Variants in MKRN2 observed in about 807,000 individuals in gnomAD.
The protein encoded by MKRN2 is makorin ring finger protein 2.
A neutral mutation model predicts 45.4 loss-of-function variants in MKRN2; 32 were observed. The ratio of observed to expected loss-of-function variants is 0.70; its 90% CI spans 0.53 to 0.95. MKRN2 has a LOEUF of 0.95. Ranked by LOEUF, MKRN2 falls within the 40% of genes least tolerant of loss-of-function variation. MKRN2 has a pLI of 0.00. For synonymous variants in MKRN2, 206 were observed against 192.4 expected, an observed-to-expected ratio of 1.07 and a Z score of -0.59; for missense variants, 526 against 536.7, an observed-to-expected ratio of 0.98 and a Z score of 0.20.
chr3:12,572,334 G>T lies in MKRN2; in HGVS notation c.603G>T (p.Leu201Phe). The T allele has an allele frequency of 2.5e-6, 4 of 1,602,702 alleles. No homozygotes were observed. The highest frequency in any genetic ancestry group is 3.4e-6 in the Non-Finnish European group (4 of 1,171,862). Residue 201 changes from leucine to phenylalanine, a missense_variant, in exon 4 of 8, where the codon TTG becomes TTT. Physicochemically the swap from Leu to Phe is conservative, Grantham distance 22. Transcript: ENST00000170447. ...GTGAAATCTGTAGGCTGCAAGTCTT[G>T]CACCCATTCGACCCAGAGCAGAGGA... ...EVCEICRLQV[L>F]HPFDPEQRKA...
In MKRN2 at chr3:12,576,933, G is replaced by GTTTTTGTTTTTTTTTT. The variant is rs56380121; in HGVS notation, c.968+197_968+198insGTTTTTTTTTTTTTTT. ...TGATGTGGACCTGTTTAGTTTTGGT[G>GTTTTTGTTTTTTTTTT]TTTTTTTTTTTTTTTTTTTTTTTTC... On this transcript the variant is annotated intron_variant, in intron 6 of 7. Transcript: ENST00000170447. 6.1e-4 allele frequency: 34 copies of GTTTTTGTTTTTTTTTT among 55,988 alleles called. 2 individuals carry two copies. Among genetic ancestry groups the GTTTTTGTTTTTTTTTT allele is most frequent in the Non-Finnish European group, 9.2e-4 (30 of 32,588 alleles). 3.5% of individuals were successfully genotyped at this position (55,988 alleles called of 1,614,324 possible).
intron 1 of MKRN2, 101 bp downstream of exon 1, chr3:12,557,277 A>G: frequency 6.9e-7 from 1 of 1,446,872 alleles, no homozygotes; most frequent in Non-Finnish European, 9.2e-7. Flanking sequence ...CTAGAGCGGG[A>G]CTCGGAAAGT....
chr3:12,574,485 T>C (rs713178), intron 4 of MKRN2, among the ~76,000 whole-genome samples: 33,402 of 152,166 alleles, frequency 0.22, 3,922 homozygotes, highest in Admixed American at 0.31. Context: ...CCGCAGTCCT[T>C]ACGGACTCTG....
intron 1 of MKRN2, among the ~76,000 whole-genome samples, chr3:12,565,105 G>A (rs893398618): frequency 6.6e-6 from 1 of 152,154 alleles, no homozygotes; most frequent in Admixed American, 6.6e-5. Flanking sequence ...GTATTTGTGT[G>A]GACATAGATT....
chr3:12,576,960 G>GTTTTTTTT (rs2058144412), intron 6 of MKRN2: 1 of 135,234 alleles, frequency 7.4e-6, no homozygotes, highest in African/African-American at 2.2e-4. Flanking sequence ...TTTTTTTTCG[G>GTTTTTTTT]TGAGATAGGG....
chr3:12,578,581 T>G (rs1356893019), intron 6 of MKRN2, among the ~76,000 whole-genome samples: 2 of 152,098 alleles, frequency 1.3e-5, no homozygotes, highest in Non-Finnish European at 2.9e-5. Flanking sequence ...CCTCCCAAAA[T>G]GCTGGGATTA....
intron 1 of MKRN2, among the ~76,000 whole-genome samples, chr3:12,567,093 A>G (rs2058072723): frequency 6.6e-6 from 1 of 151,946 alleles, no homozygotes; most frequent in African/African-American, 2.4e-5. Context: ...TTTTTGGCAT[A>G]TCTAGTAATT....
At chr3:12,566,867 C>T (rs1362831551) in intron 1 of MKRN2, among the ~76,000 whole-genome samples, 3 of 152,136 alleles carry the variant, frequency 2.0e-5, no homozygotes, top group African/African-American at 2.4e-5. Context: ...TCTCCCAAAG[C>T]GCTGGGATTA....
intron 5 of MKRN2, among the ~76,000 whole-genome samples, chr3:12,576,268 A>AT (rs2058136157): frequency 6.8e-6 from 1 of 147,312 alleles, no homozygotes; most frequent in Non-Finnish European, 1.5e-5. Flanking sequence ...CATGTGCAGA[A>AT]TGTGTAGCTT....
intron 5 of MKRN2, among the ~76,000 whole-genome samples, chr3:12,575,528 T>C (rs781716400): frequency 7.2e-5 from 11 of 151,896 alleles, no homozygotes; most frequent in Non-Finnish European, 1.6e-4. Flanking sequence ...TGTGGAGAGG[T>C]TACTGCACGC....
At chr3:12,573,344 G>T (rs1575520827) in intron 4 of MKRN2, among the ~76,000 whole-genome samples, 2 of 150,782 alleles carry the variant, frequency 1.3e-5, no homozygotes, top group Admixed American at 1.3e-4. Context: ...GGGCAACATG[G>T]TAAGATCCCC....
chr3:12,566,096 C>T (rs1018772219), intron 1 of MKRN2, among the ~76,000 whole-genome samples: 2 of 152,116 alleles, frequency 1.3e-5, no homozygotes, highest in Non-Finnish European at 2.9e-5. Context: ...TCAAGCAGTC[C>T]TCACACCTTG....
At chr3:12,578,237 G>A (rs566311878) in intron 6 of MKRN2, among the ~76,000 whole-genome samples, 1 of 148,410 alleles carries the variant, frequency 6.7e-6, no homozygotes, top group East Asian at 2.1e-4. Flanking sequence ...AGGCCAGAAA[G>A]ATTGGATTTC....
At chr3:12,563,348 G>C (rs568955892) in intron 1 of MKRN2, among the ~76,000 whole-genome samples, 1 of 152,230 alleles carries the variant, frequency 6.6e-6, no homozygotes, top group Admixed American at 6.5e-5. Flanking sequence ...GAAACAGGTG[G>C]AGAAGTCAGA....
rs759640395 is a variant in MKRN2, at chr3:12,576,734, G to A, written c.961G>A (p.Gly321Arg). Reference sequence around the variant, plus strand: ...CGAGTTGATTGAAGCTTTCAAACAGGGGATGGGGTAAGTGCTTTTGAGTTT... The same window carrying A: ...CGAGTTGATTGAAGCTTTCAAACAGAGGATGGGGTAAGTGCTTTTGAGTTT... Reference protein sequence around the residue: ...KNELIEAFKQGMGKKACKYFE... With the variant: ...KNELIEAFKQRMGKKACKYFE... Residue 321 changes from glycine (G) to arginine (R), a missense_variant, in exon 6 of 8, where the codon GGG becomes AGG. Physicochemically the swap from Gly to Arg is moderately radical, Grantham distance 125 (BLOSUM62 -2). Transcript: ENST00000170447. 4 of 1,595,676 alleles carry A rather than the reference G, an allele frequency of 2.5e-6. No individual in the cohort carries two copies. The South Asian group carries it at 3.3e-5, about 13-fold the overall frequency.
intron 1 of MKRN2, among the ~76,000 whole-genome samples, chr3:12,564,504 G>T (rs1214579431): frequency 6.6e-6 from 1 of 152,052 alleles, no homozygotes; most frequent in East Asian, 1.9e-4. Context: ...TATCTGGTTT[G>T]TTGAAACCAG....
intron 4 of MKRN2, among the ~76,000 whole-genome samples, chr3:12,572,782 A>G (rs1575520625): frequency 6.6e-6 from 1 of 151,808 alleles, no homozygotes; most frequent in South Asian, 2.1e-4. Flanking sequence ...ATGGGGTTTC[A>G]CCACGTTGGC....
At position 12,574,789 on chromosome 3, in the gene MKRN2, C is replaced by G. The variant is rs1373011334; in HGVS notation, c.643-3C>G. ...AAAGCCTTCCTTCCTGTCTGTGCTT[C>G]AGATCTGCATGTTGACGTTCGAACA... is the stretch of plus-strand genomic sequence containing the variant. On this transcript the variant is annotated splice_region_variant and splice_polypyrimidine_tract_variant and intron_variant, in intron 4 of 7. Coordinates refer to ENST00000170447, the MANE Select transcript of MKRN2 (RefSeq NM_014160.5). 6.2e-7 allele frequency: 1 copy of G among 1,611,970 alleles called. No individual in the cohort carries two copies. The highest frequency in any genetic ancestry group is 1.3e-5 in the African/African-American group (1 of 74,896).
chr3:12,568,224 G>T (rs1367982015), intron 1 of MKRN2, among the ~76,000 whole-genome samples: 2 of 152,190 alleles, frequency 1.3e-5, no homozygotes, highest in Non-Finnish European at 2.9e-5. Flanking sequence ...GAAGGCAGAG[G>T]TTGCAGTGAG....
Sources: allele counts gnomAD v4.1 joint callset (sites outside exome capture counted in the v4.1 genomes callset), GRCh38; gene constraint gnomAD v4.1.1; transcripts MANE v1.5; gene names NCBI Gene and HGNC (gene_info 2026-07-23, HGNC 2026-07-21).